DOCK2: variants seen among roughly 807,000 people sequenced by gnomAD.
DOCK2 encodes the protein dedicator of cytokinesis 2, also known as dedicator of cytokinesis protein 2.
DOCK2 carries 87 observed loss-of-function variants against 248.9 expected under a neutral mutation model. That is an observed-to-expected ratio of 0.35 (90% CI 0.29 to 0.42). The LOEUF (loss-of-function observed/expected upper bound fraction) is 0.42, where lower values mean the gene tolerates loss of function less well. Among genes scored for constraint, DOCK2 ranks in the 10% least tolerant of loss-of-function variants. The pLI is 1.00. For missense variants in DOCK2, 1,747 were observed against 2,300.2 expected (o/e 0.76, Z 4.92); for synonymous variants, 805 against 821.6 (o/e 0.98, Z 0.35).
chr5:169,833,256 C>G (rs1187053866), intron 26 of DOCK2, among the ~76,000 whole-genome samples: 1 of 152,120 alleles, frequency 6.6e-6, no homozygotes, highest in South Asian at 2.1e-4. Flanking sequence ...ACAAAATCAC[C>G]TCACTTCTAA....
intron 25 of DOCK2, among the ~76,000 whole-genome samples, chr5:169,792,422 A>G (rs1766395395): frequency 6.7e-6 from 1 of 148,698 alleles, no homozygotes; most frequent in South Asian, 2.1e-4. Flanking sequence ...ATATATGTAT[A>G]CATGTATATG....
intron 30 of DOCK2, among the ~76,000 whole-genome samples, chr5:169,996,947 G>A (rs1754659767): frequency 6.6e-6 from 1 of 152,176 alleles, no homozygotes; most frequent in South Asian, 2.1e-4. Flanking sequence ...GGAAAAGAAA[G>A]AGACACAGAG....
chr5:170,032,657 T>A (rs1048224340), intron 34 of DOCK2, among the ~76,000 whole-genome samples: 2 of 152,244 alleles, frequency 1.3e-5, no homozygotes, highest in African/African-American at 4.8e-5. Flanking sequence ...CAGCTGTGGC[T>A]GAGCCAGACA....
chr5:169,767,904 G>T (rs771397843), intron 25 of DOCK2, among the ~76,000 whole-genome samples: 3 of 152,100 alleles, frequency 2.0e-5, no homozygotes, highest in East Asian at 3.9e-4. Context: ...ACGTATTAGG[G>T]TATTAATATT....
intron 25 of DOCK2, among the ~76,000 whole-genome samples, chr5:169,765,726 G>GGA (rs1043712106): frequency 2.1e-4 from 32 of 152,204 alleles, no homozygotes; most frequent in Admixed American, 1.3e-3. Context: ...GGGGAGAGAG[G>GGA]GAGAGAGAGA....
chr5:169,674,419 C>T lies in DOCK2; in HGVS notation c.444C>T (p.Val148=), dbSNP rs1759215004. 1 of 1,614,024 alleles carries T rather than the reference C, an allele frequency of 6.2e-7. No homozygotes were observed. Among genetic ancestry groups the T allele is most frequent in the Non-Finnish European group, 8.5e-7 (1 of 1,179,990 alleles). Residue 148 remains valine, a synonymous_variant, in exon 6 of 52, where the codon GTC becomes GTT. Coordinates refer to ENST00000520908, the MANE Select transcript of DOCK2 (RefSeq NM_004946.3). The part of the protein sequence containing the change: ...KDELKELKQK[V]TSKIDYGNKI... ...AGCTGAAGGAACTGAAGCAGAAAGT[C>T]ACGTCCAAAATTGACTATGGCAACA...
At chr5:169,844,515 G>A (rs762520903) in intron 27 of DOCK2, among the ~76,000 whole-genome samples, 1 of 152,196 alleles carries the variant, frequency 6.6e-6, no homozygotes, top group Non-Finnish European at 1.5e-5. Flanking sequence ...CAGCGGACAT[G>A]CACTCCTAAG....
At chr5:169,699,086 A>AACTCAAGTCTTT (rs1760806917) in intron 11 of DOCK2, among the ~76,000 whole-genome samples, 2 of 63,980 alleles carry the variant, frequency 3.1e-5, no homozygotes, top group African/African-American at 2.0e-4. Context: ...TAGCAGGAGC[A>AACTCAAGTCTTT]ACTCTTGCTA....
intron 27 of DOCK2, among the ~76,000 whole-genome samples, chr5:169,870,699 C>T (rs1367113568): frequency 6.6e-6 from 1 of 151,806 alleles, no homozygotes; most frequent in Non-Finnish European, 1.5e-5. Flanking sequence ...GTATGCTGCA[C>T]CCATTAACTC....
intron 27 of DOCK2, among the ~76,000 whole-genome samples, chr5:169,897,500 C>T (rs1157219774): frequency 6.6e-6 from 1 of 152,144 alleles, no homozygotes; most frequent in Non-Finnish European, 1.5e-5. Flanking sequence ...GGAATGTGAG[C>T]TCTTTAACCA....
intron 27 of DOCK2, among the ~76,000 whole-genome samples, chr5:169,864,639 C>A (rs1381577125): frequency 2.0e-5 from 3 of 152,176 alleles, no homozygotes; most frequent in Non-Finnish European, 4.4e-5. Flanking sequence ...ACCTCTAGTT[C>A]TTCAGTGATT....
At chr5:169,980,220 C>A (rs1777891477) in intron 27 of DOCK2, 1 of 152,150 alleles carries the variant, frequency 6.6e-6, no homozygotes, top group South Asian at 2.1e-4. Context: ...GAGACGATCG[C>A]ATTTTCTCTC....
At chr5:169,738,760 G>C (rs563745035) in intron 22 of DOCK2, among the ~76,000 whole-genome samples, 161 of 152,280 alleles carry the variant, frequency 1.1e-3, no homozygotes, top group Middle Eastern at 6.8e-3. Flanking sequence ...TTACCTCAAT[G>C]GTAAATAGTT....
At chr5:169,933,809 G>A (rs929205711) in intron 27 of DOCK2, among the ~76,000 whole-genome samples, 2 of 152,126 alleles carry the variant, frequency 1.3e-5, no homozygotes, top group African/African-American at 4.8e-5. Context: ...GATTTATGAG[G>A]TGGGGAATGC....
chr5:169,664,401 T>A (rs561180064), intron 2 of DOCK2, among the ~76,000 whole-genome samples: 12 of 152,366 alleles, frequency 7.9e-5, no homozygotes, highest in African/African-American at 2.9e-4. Flanking sequence ...TTCCAACCTC[T>A]GCCCAGTTCC....
intron 27 of DOCK2, among the ~76,000 whole-genome samples, chr5:169,954,869 C>T (rs189923132): frequency 2.8e-4 from 43 of 152,326 alleles, no homozygotes; most frequent in African/African-American, 9.1e-4. Flanking sequence ...ACCAAATCAA[C>T]AGTGACTTGA....
At chr5:169,912,421 T>G (rs1774649552) in intron 27 of DOCK2, among the ~76,000 whole-genome samples, 1 of 152,198 alleles carries the variant, frequency 6.6e-6, no homozygotes, top group South Asian at 2.1e-4. Flanking sequence ...GCGAAGGGTC[T>G]TTAATAGTCT....
intron 27 of DOCK2, among the ~76,000 whole-genome samples, chr5:169,898,357 G>C (rs1773729614): frequency 1.3e-5 from 2 of 152,168 alleles, no homozygotes; most frequent in Admixed American, 6.5e-5. Context: ...CAGGTGTACT[G>C]TATGGTTAGG....
At chr5:169,688,958 G>T (rs1440301735) in intron 8 of DOCK2, among the ~76,000 whole-genome samples, 2 of 152,192 alleles carry the variant, frequency 1.3e-5, no homozygotes, top group African/African-American at 4.8e-5. Context: ...CTATCAGTAT[G>T]CAGATGCTCC....
Sources: gnomAD v4.1 joint callset for allele counts (sites outside exome capture counted in the v4.1 genomes callset) on GRCh38, gnomAD v4.1.1 for gene constraint, MANE v1.5 for transcripts, NCBI Gene and HGNC (gene_info 2026-07-23, HGNC 2026-07-21) for gene names.